Variants in CFAP61 observed in about 807,000 individuals in gnomAD.
CFAP61 encodes cilia and flagella associated protein 61.
In CFAP61, 107 loss-of-function variants were observed where a neutral mutation model predicts 135.6. That is an observed-to-expected ratio of 0.79 (90% CI 0.67 to 0.93). The LOEUF (loss-of-function observed/expected upper bound fraction) is 0.93, where lower values mean the gene tolerates loss of function less well. CFAP61 is among the 40% of genes least tolerant of loss of function. The pLI, the probability that CFAP61 is intolerant of heterozygous loss-of-function variation, is 0.00. For synonymous variants in CFAP61, 575 were observed against 578.5 expected (o/e 0.99, Z 0.09); for missense variants, 1,507 against 1,556.2 (o/e 0.97, Z 0.53).
intron 16 of CFAP61, 26 bp downstream of exon 16, chr20:20,196,802 C>T (rs780630544): frequency 1.3e-6 from 2 of 1,584,602 alleles, no homozygotes; most frequent in South Asian, 1.1e-5. Flanking sequence ...AATTCACTTT[C>T]CCAGCAGGTC....
intron 8 of CFAP61, among the ~76,000 whole-genome samples, chr20:20,112,235 G>T (rs1600714142): frequency 6.6e-6 from 1 of 152,084 alleles, no homozygotes; most frequent in East Asian, 1.9e-4. Context: ...ATAATATTAT[G>T]CTATTGTTGT....
chr20:20,301,174 C>T (rs1009907091), intron 25 of CFAP61, among the ~76,000 whole-genome samples: 3 of 152,168 alleles, frequency 2.0e-5, no homozygotes, highest in African/African-American at 7.2e-5. Flanking sequence ...CTGTAAGCTC[C>T]ATTCACGGTA....
chr20:20,327,081 T>C (rs895605155), intron 25 of CFAP61, among the ~76,000 whole-genome samples: 1 of 152,160 alleles, frequency 6.6e-6, no homozygotes, highest in Admixed American at 6.5e-5. Flanking sequence ...AAGATATTGG[T>C]AGTTGGGAAA....
At chr20:20,182,185 G>A (rs1227495810) in intron 13 of CFAP61, among the ~76,000 whole-genome samples, 1 of 152,152 alleles carries the variant, frequency 6.6e-6, no homozygotes, top group Non-Finnish European at 1.5e-5. Flanking sequence ...TGAGAATAGG[G>A]TAAGAAATAA....
At chr20:20,205,332 A>G (rs942125428) in intron 17 of CFAP61, among the ~76,000 whole-genome samples, 16 of 152,224 alleles carry the variant, frequency 1.1e-4, no homozygotes, top group Non-Finnish European at 1.9e-4. Context: ...TACCTAAAGC[A>G]AACAGGCTTG....
At chr20:20,213,909 C>T (rs1270941742) in intron 17 of CFAP61, among the ~76,000 whole-genome samples, 1 of 151,974 alleles carries the variant, frequency 6.6e-6, no homozygotes, top group Non-Finnish European at 1.5e-5. Context: ...ATCTCTCTCT[C>T]TCTCTCTCTC....
At chr20:20,239,502 A>G (rs1569177202) in intron 18 of CFAP61, among the ~76,000 whole-genome samples, 2 of 152,206 alleles carry the variant, frequency 1.3e-5, no homozygotes, top group East Asian at 1.9e-4. Context: ...ACAGTTTGGT[A>G]ATAAAAACAC....
In CFAP61 at chr20:20,088,769, G is replaced by C. The variant is rs141191861; in HGVS notation, c.567-2075G>C. ...TCCTCCTTGTACCGTGGTCTTGTTG[G>C]CTGGCTCCCTCCTTCCCTCTGAAGT... On this transcript the variant is annotated intron_variant, in intron 6 of 26. Transcript: ENST00000245957. 5.9e-4 allele frequency among the ~76,000 whole-genome samples: 90 copies of C among 152,230 alleles called. 1 individual carries two copies. The East Asian group carries it at 0.016, about 27-fold the overall frequency.
chr20:20,201,728 G>A (rs1246082925), intron 17 of CFAP61, among the ~76,000 whole-genome samples: 3 of 152,216 alleles, frequency 2.0e-5, no homozygotes, highest in Non-Finnish European at 4.4e-5. Context: ...AGAAGTACAT[G>A]GATGTGCCAG....
chr20:20,139,989 A>G (rs549200043), intron 8 of CFAP61, among the ~76,000 whole-genome samples: 62 of 152,306 alleles, frequency 4.1e-4, no homozygotes, highest in African/African-American at 1.5e-3. Context: ...ATAGGTAGTT[A>G]CTGATAATGA....
At chr20:20,169,154 C>T (rs1479952276) in intron 12 of CFAP61, among the ~76,000 whole-genome samples, 167 bp from the exon 13 acceptor site, 1 of 152,108 alleles carries the variant, frequency 6.6e-6, no homozygotes, top group African/African-American at 2.4e-5. Context: ...TTGCTTATTT[C>T]CTGAATTTTA....
intron 25 of CFAP61, among the ~76,000 whole-genome samples, chr20:20,302,155 C>T (rs1256308367): frequency 6.6e-6 from 1 of 152,090 alleles, no homozygotes; most frequent in Non-Finnish European, 1.5e-5. Context: ...TTTTAAATGT[C>T]ATTTTTTATG....
intron 10 of CFAP61, 79 bp downstream of exon 10, chr20:20,159,523 C>G (rs530816952): frequency 8.1e-7 from 1 of 1,233,894 alleles, no homozygotes; most frequent in African/African-American, 1.5e-5. Flanking sequence ...AGGATTTGTG[C>G]CCTTTCCTCC....
In CFAP61 at chr20:20,207,530, C is replaced by A. The variant is rs13339909; in HGVS notation, c.1932+7628C>A. 9.0e-3 allele frequency among the ~76,000 whole-genome samples: 1,372 copies of A among 152,294 alleles called. 21 individuals are homozygous for A. The highest frequency in any genetic ancestry group is 0.031 in the African/African-American group (1,304 of 41,558). ...CTCCGGGTGGAGCTGAGCTCCCAGG[C>A]AGAAACTGGCCGTGGCAGCTAAGTG... is the stretch of plus-strand genomic sequence containing the variant. On this transcript the variant is annotated intron_variant, in intron 17 of 26. Coordinates refer to ENST00000245957, the MANE Select transcript of CFAP61 (RefSeq NM_015585.4).
chr20:20,089,589 A>G (rs1203560035), intron 6 of CFAP61, among the ~76,000 whole-genome samples: 9 of 42,674 alleles, frequency 2.1e-4, no homozygotes, highest in Non-Finnish European at 3.0e-4. Flanking sequence ...GTATCAGAGA[A>G]AAAAAAAAAA....
intron 10 of CFAP61, 24 bp downstream of exon 10, chr20:20,159,468 C>G: frequency 6.2e-7 from 1 of 1,602,226 alleles, no homozygotes; most frequent in Non-Finnish European, 8.6e-7. Flanking sequence ...AGGGCCTTTG[C>G]GTGCCTTCTA....
At chr20:20,210,095 A>G (rs772253813) in intron 17 of CFAP61, among the ~76,000 whole-genome samples, 30 of 152,164 alleles carry the variant, frequency 2.0e-4, no homozygotes, top group Admixed American at 7.8e-4. Context: ...TTCCTCATCC[A>G]GGAAGTTCCC....
Position 20,199,898 on chromosome 20 carries a change from A to T in CFAP61, c.1928A>T (p.Asp643Val), listed in dbSNP as rs753054498. 24 of 1,613,858 alleles carry T rather than the reference A, an allele frequency of 1.5e-5. No individual in the cohort carries two copies. In the African/African-American group the frequency reaches 3.1e-4, roughly 21 times the overall value. The change falls in exon 17 of 27, where the codon GAT (aspartate) becomes GTT (valine). Residue 643 changes from aspartate (D) to valine (V), a missense_variant. Asp to Val is a radical substitution (Grantham distance 152). Coordinates refer to ENST00000245957, the MANE Select transcript of CFAP61 (RefSeq NM_015585.4). ...INAPSKAVSK[D>V]PMSYALNHTN... ...GCTCCATCAAAGGCGGTCTCCAAGG[A>T]TCCGGTGGGTAGCAGGGCGGCAGGC...
chr20:20,322,034 G>T (rs2057541700), intron 25 of CFAP61, among the ~76,000 whole-genome samples: 1 of 152,154 alleles, frequency 6.6e-6, no homozygotes, highest in African/African-American at 2.4e-5. Flanking sequence ...CTGTGAGGAA[G>T]CCCAAGCCAC....
Sources: allele counts gnomAD v4.1 joint callset (sites outside exome capture counted in the v4.1 genomes callset), GRCh38; gene constraint gnomAD v4.1.1; transcripts MANE v1.5; gene names NCBI Gene and HGNC (gene_info 2026-07-23, HGNC 2026-07-21).